ATP6V1G3: variants seen among roughly 807,000 people sequenced by gnomAD.
The protein encoded by ATP6V1G3 is ATPase H+ transporting V1 subunit G3, also known as V-type proton ATPase subunit G 3.
A neutral mutation model predicts 9.3 loss-of-function variants in ATP6V1G3; 9 were observed. The ratio of observed to expected loss-of-function variants is 0.97; its 90% CI spans 0.59 to 1.69. ATP6V1G3 has a LOEUF of 1.69. Among genes scored for constraint, ATP6V1G3 ranks in the 40% most tolerant of loss-of-function variants. The pLI is 0.00. For synonymous variants in ATP6V1G3, 43 were observed against 43.8 expected (o/e 0.98, Z 0.07); for missense variants, 133 against 139.0 (o/e 0.96, Z 0.22).
chr1:198,530,775 G>A (rs976263194), intron 1 of ATP6V1G3, among the ~76,000 whole-genome samples: 9 of 152,042 alleles, frequency 5.9e-5, no homozygotes, highest in African/African-American at 1.7e-4. Context: ...TCGATGATAT[G>A]TTGGTAGGAA....
intron 1 of ATP6V1G3, among the ~76,000 whole-genome samples, chr1:198,536,446 CT>C (rs1660116804): frequency 6.6e-6 from 1 of 152,170 alleles, no homozygotes; most frequent in Admixed American, 6.5e-5. Context: ...GGTAACTTGT[CT>C]TGGACCAACA....
At chr1:198,534,063 G>T (rs1483734743) in intron 1 of ATP6V1G3, among the ~76,000 whole-genome samples, 1 of 152,122 alleles carries the variant, frequency 6.6e-6, no homozygotes, top group East Asian at 1.9e-4. Context: ...AATAAAATAA[G>T]GGCTCAAGGT....
In ATP6V1G3 at chr1:198,523,420, T is replaced by C; in HGVS notation, c.328A>G (p.Ile110Val). ...TTGGTGGCTCTGTAGTTCACATGGATTTCTGGTTTCATGTCACAGACCATG... is the reference window on the plus strand; with the variant it reads ...TTGGTGGCTCTGTAGTTCACATGGACTTCTGGTTTCATGTCACAGACCATG... Reference protein sequence around the residue: ...LSMVCDMKPEIHVNYRATN With the variant: ...LSMVCDMKPEVHVNYRATN Residue 110 changes from isoleucine (I) to valine (V), a missense_variant, in exon 3 of 3, where the codon ATC (isoleucine) becomes GTC (valine). By Grantham distance (29) the Ile-to-Val change is conservative (BLOSUM62 3). Coordinates refer to ENST00000367382, the MANE Select transcript of ATP6V1G3 (RefSeq NM_001376861.1). The C allele has an allele frequency of 1.9e-6, 3 of 1,613,292 alleles. No homozygotes were observed. The highest frequency in any genetic ancestry group is 2.5e-6 in the Non-Finnish European group (3 of 1,179,616).
At chr1:198,540,523 A>G (rs770752074) in intron 1 of ATP6V1G3, 46 bp downstream of exon 1, 16 of 1,580,434 alleles carry the variant, frequency 1.0e-5, no homozygotes, top group Admixed American at 1.7e-5. Context: ...CCTGCATTCC[A>G]CTGCTTTGTT....
chr1:198,536,756 GATCATTCTAGTCTAT>G, intron 1 of ATP6V1G3: 2 of 1,518,986 alleles, frequency 1.3e-6, no homozygotes, highest in Non-Finnish European at 1.8e-6. Flanking sequence ...AATGGAATGA[GATCATTCTAGTCTAT>G]ATCATTCTTC....
chr1:198,524,123 ATT>A (rs10712995), intron 2 of ATP6V1G3, among the ~76,000 whole-genome samples: 3,221 of 133,272 alleles, frequency 0.024, 40 homozygotes, highest in Admixed American at 0.06. Context: ...TATATGCACA[ATT>A]TTTTTTTTTT....
At chr1:198,539,750 G>A (rs964510960) in intron 1 of ATP6V1G3, among the ~76,000 whole-genome samples, 2 of 152,150 alleles carry the variant, frequency 1.3e-5, no homozygotes, top group Admixed American at 1.3e-4. Flanking sequence ...CATGGTGCCT[G>A]GCACAATATT....
At chr1:198,527,689 T>C (rs1659712645) in intron 2 of ATP6V1G3, among the ~76,000 whole-genome samples, 1 of 152,164 alleles carries the variant, frequency 6.6e-6, no homozygotes, top group Admixed American at 6.6e-5. Context: ...ATGTCTACTG[T>C]GTGGCAGGCA....
intron 1 of ATP6V1G3, among the ~76,000 whole-genome samples, chr1:198,536,136 T>G (rs923303299): frequency 6.6e-6 from 1 of 152,186 alleles, no homozygotes; most frequent in African/African-American, 2.4e-5. Context: ...CCATGTATGT[T>G]CAGAAATGAT....
chr1:198,527,467 C>T (rs996642932), intron 2 of ATP6V1G3, among the ~76,000 whole-genome samples: 2 of 152,034 alleles, frequency 1.3e-5, no homozygotes, highest in African/African-American at 4.8e-5. Context: ...AGATTTAACA[C>T]AAGCACTTTC....
chr1:198,536,256 A>T (rs1290724095), intron 1 of ATP6V1G3, among the ~76,000 whole-genome samples: 1 of 152,222 alleles, frequency 6.6e-6, no homozygotes, highest in Non-Finnish European at 1.5e-5. Context: ...GGTGTAAGTG[A>T]AGTAAATACT....
intron 1 of ATP6V1G3, chr1:198,536,639 T>C (rs888482147): frequency 6.6e-7 from 1 of 1,513,226 alleles, no homozygotes; most frequent in African/African-American, 1.4e-5. Flanking sequence ...CTGTAATCAG[T>C]GAATACAGGA....
chr1:198,529,301 C>A (rs987289386), intron 1 of ATP6V1G3, 120 bp from the exon 2 acceptor site: 1 of 222,364 alleles, frequency 4.5e-6, no homozygotes, highest in Non-Finnish European at 8.2e-6. Flanking sequence ...ATGTTACACA[C>A]GTATGCATAT....
chr1:198,538,926 C>A lies in ATP6V1G3; in HGVS notation c.82+1643G>T, dbSNP rs556140170. On this transcript the variant is annotated intron_variant, in intron 1 of 2. Transcript: ENST00000367382. Reference sequence around the variant, plus strand: ...AAAAAAGAAGAAGAAGAAAAGAAAACCCTGAAATTTTTAAAAAGGGAAAAT... The same window carrying A: ...AAAAAAGAAGAAGAAGAAAAGAAAAACCTGAAATTTTTAAAAAGGGAAAAT... Among the ~76,000 whole-genome samples the A allele has an allele frequency of 1.7e-3, 241 of 145,184 alleles. 1 individual carries two copies. The highest frequency in any genetic ancestry group is 6.1e-3 in the African/African-American group (231 of 37,754).
chr1:198,531,171 G>A (rs562209811), intron 1 of ATP6V1G3, among the ~76,000 whole-genome samples: 1 of 152,186 alleles, frequency 6.6e-6, no homozygotes, highest in South Asian at 2.1e-4. Flanking sequence ...AATTAAATGG[G>A]AGAGCCACAG....
At chr1:198,533,185 T>C (rs1659974107) in intron 1 of ATP6V1G3, among the ~76,000 whole-genome samples, 1 of 151,940 alleles carries the variant, frequency 6.6e-6, no homozygotes, top group Non-Finnish European at 1.5e-5. Context: ...GTGCCTGTAG[T>C]TCCAGCTATT....
intron 2 of ATP6V1G3, among the ~76,000 whole-genome samples, chr1:198,527,634 T>C (rs1448626077): frequency 6.6e-6 from 1 of 152,112 alleles, no homozygotes; most frequent in Non-Finnish European, 1.5e-5. Context: ...AGAAAGAAAA[T>C]CAAAGAAAAA....
At chr1:198,538,997 A>G (rs769930805) in intron 1 of ATP6V1G3, among the ~76,000 whole-genome samples, 3 of 152,112 alleles carry the variant, frequency 2.0e-5, no homozygotes, top group Non-Finnish European at 2.9e-5. Context: ...TTTGTTTTCT[A>G]TAAAACTACT....
intron 1 of ATP6V1G3, among the ~76,000 whole-genome samples, chr1:198,532,110 G>T (rs950208387): frequency 2.6e-5 from 4 of 152,110 alleles, no homozygotes; most frequent in Non-Finnish European, 5.9e-5. Flanking sequence ...AAATTGGGAT[G>T]CAGGAGGAAG....
Sources: gnomAD v4.1 joint callset for allele counts (sites outside exome capture counted in the v4.1 genomes callset) on GRCh38, gnomAD v4.1.1 for gene constraint, MANE v1.5 for transcripts, NCBI Gene and HGNC (gene_info 2026-07-23, HGNC 2026-07-21) for gene names.